The following ACACA variants were observed in gnomAD, a reference collection of about 807,000 sequenced individuals.
ACACA encodes the protein acetyl-CoA carboxylase 1.
Under a neutral mutation model 296.1 loss-of-function variants are expected in ACACA, and 103 were observed. The ratio of observed to expected loss-of-function variants is 0.35; its 90% CI spans 0.30 to 0.41. The LOEUF (loss-of-function observed/expected upper bound fraction) is 0.41. Among genes scored for constraint, ACACA ranks in the 10% least tolerant of loss-of-function variants. The pLI, the probability that ACACA is intolerant of heterozygous loss-of-function variation, is 1.00. For synonymous variants in ACACA, 953 were observed against 1,038.6 expected, an observed-to-expected ratio of 0.92 and a Z score of 1.58; for missense variants, 1,554 against 2,989.7, an observed-to-expected ratio of 0.52 and a Z score of 11.20.
At chr17:37,290,362 T>C (rs1357857310) in intron 3 of ACACA, among the ~76,000 whole-genome samples, 3 of 152,198 alleles carry the variant, frequency 2.0e-5, no homozygotes, top group East Asian at 3.8e-4. Context: ...TCAAACATTT[T>C]TGAATGGTGA....
chr17:37,165,416 T>C (rs1372695294), intron 41 of ACACA, among the ~76,000 whole-genome samples: 3 of 152,212 alleles, frequency 2.0e-5, no homozygotes, highest in African/African-American at 7.2e-5. Flanking sequence ...TATTTAATTT[T>C]ACTGAGCTTC....
intron 1 of ACACA, among the ~76,000 whole-genome samples, chr17:37,404,478 G>A (rs1355947690): frequency 1.3e-5 from 2 of 151,618 alleles, no homozygotes; most frequent in Admixed American, 6.6e-5. Context: ...TCAGTCTCTC[G>A]AGTAGCTGGG....
intron 44 of ACACA, among the ~76,000 whole-genome samples, chr17:37,151,062 AG>A (rs1166636822): frequency 6.6e-6 from 1 of 152,030 alleles, no homozygotes; most frequent in African/African-American, 2.4e-5. Context: ...AAAAAAAAAA[AG>A]AAAGAAAATA....
intron 45 of ACACA, among the ~76,000 whole-genome samples, chr17:37,144,621 G>T (rs2075736196): frequency 6.6e-6 from 1 of 152,124 alleles, no homozygotes; most frequent in Non-Finnish European, 1.5e-5. Flanking sequence ...CTGCATAGCT[G>T]CAGAAAAATA....
chr17:37,143,744 T>C (rs2075698911), intron 45 of ACACA: 6 of 923,268 alleles, frequency 6.5e-6, no homozygotes, highest in Non-Finnish European at 9.0e-6. Flanking sequence ...CTCATCTTCC[T>C]TGTTTTTCTT....
intron 29 of ACACA, among the ~76,000 whole-genome samples, chr17:37,214,296 A>C (rs551527473): frequency 1.6e-3 from 246 of 152,208 alleles, no homozygotes; most frequent in African/African-American, 5.8e-3. Context: ...CATCTCCCCC[A>C]CCACCTCCTT....
rs181984684 is a variant in ACACA at position 37,379,466 on chromosome 17, G to A, written c.38+26796C>T. The A allele has an allele frequency of 6.0e-5, 88 of 1,461,488 alleles. No individual in the cohort carries two copies. In the East Asian group the frequency reaches 1.1e-3, roughly 19 times the overall value. The allele number at this position is 1,461,488 out of a possible 1,614,324, so 90.5% of individuals were successfully genotyped here. On this transcript the variant is annotated intron_variant, in intron 1 of 55. Transcript: ENST00000616317. The stretch of plus-strand genomic sequence containing the variant: ...CAGCCAGAACTCCGTAGCAGGAAAA[G>A]CTACAAGAAAATGAATTATCCACTT...
chr17:37,389,052 C>T, intron 1 of ACACA, among the ~76,000 whole-genome samples: 1 of 152,192 alleles, frequency 6.6e-6, no homozygotes, highest in East Asian at 1.9e-4. Context: ...AGGCACCTGG[C>T]ACACAGGTGC....
chr17:37,395,704 G>T (rs1454656592), intron 1 of ACACA, among the ~76,000 whole-genome samples: 3 of 151,952 alleles, frequency 2.0e-5, no homozygotes, highest in Admixed American at 1.3e-4. Context: ...CACCATGCTC[G>T]GCTAATTTTT....
At chr17:37,188,600 G>A (rs1362393434) in intron 38 of ACACA, 120 bp from the exon 39 acceptor site, 9 of 1,030,292 alleles carry the variant, frequency 8.7e-6, no homozygotes, top group South Asian at 8.3e-5. Flanking sequence ...TTGTGGAGAT[G>A]CACACCTTAC....
chr17:37,278,545 CTT>C (rs2082369048), intron 5 of ACACA, among the ~76,000 whole-genome samples: 1 of 152,176 alleles, frequency 6.6e-6, no homozygotes, highest in Non-Finnish European at 1.5e-5. Flanking sequence ...TTGTAAGAAA[CTT>C]TAGAAAGATA....
At chr17:37,112,196 T>C (rs2074013217) in intron 51 of ACACA, among the ~76,000 whole-genome samples, 1 of 151,998 alleles carries the variant, frequency 6.6e-6, no homozygotes, top group South Asian at 2.1e-4. Flanking sequence ...ATGAGCAGAG[T>C]CAAAGGTCTC....
chr17:37,156,690 C>T lies in ACACA; in HGVS notation c.5350-910G>A, dbSNP rs961444803. On this transcript the variant is annotated intron_variant, in intron 42 of 55. Transcript: ENST00000616317. ...ATTGATTTATATGTATCTATACACA[C>T]AGCCACATACAAAGTAGAGTTACAT... Among the ~76,000 whole-genome samples, 6 of 152,336 alleles carry T rather than the reference C, an allele frequency of 3.9e-5. No individual in the cohort carries two copies. In the East Asian group the frequency reaches 1.2e-3, roughly 29 times the overall value.
intron 39 of ACACA, among the ~76,000 whole-genome samples, chr17:37,186,095 T>C (rs1406140800): frequency 6.6e-6 from 1 of 152,222 alleles, no homozygotes; most frequent in Admixed American, 6.5e-5. Context: ...CTGATAGTAA[T>C]AGGAGTTCCT....
intron 25 of ACACA, among the ~76,000 whole-genome samples, chr17:37,228,998 G>A (rs2079693182): frequency 6.6e-6 from 1 of 151,908 alleles, no homozygotes; most frequent in South Asian, 2.1e-4. Flanking sequence ...AAAAAAATTA[G>A]CCGGGCGTGG....
intron 39 of ACACA, among the ~76,000 whole-genome samples, chr17:37,182,367 A>ATG (rs1567776368): frequency 6.6e-6 from 1 of 151,778 alleles, no homozygotes; most frequent in African/African-American, 2.4e-5. Context: ...ATATATATAT[A>ATG]CATGTATTTA....
intron 1 of ACACA, among the ~76,000 whole-genome samples, chr17:37,390,330 A>ATATATATATATATATATCTATATATC (rs1386032855): frequency 3.1e-4 from 13 of 41,580 alleles, no homozygotes; most frequent in African/African-American, 5.1e-4. Flanking sequence ...ATATATATAT[A>ATATATATATATATATATCTATATATC]TATAAAAGGC....
chr17:37,109,010 G>T (rs946499172), intron 52 of ACACA, among the ~76,000 whole-genome samples: 4 of 152,210 alleles, frequency 2.6e-5, no homozygotes, highest in African/African-American at 9.7e-5. Flanking sequence ...TATCTTAGAT[G>T]ATTCACTTTT....
intron 1 of ACACA, among the ~76,000 whole-genome samples, chr17:37,379,924 G>A (rs1437891763): frequency 3.4e-5 from 5 of 148,312 alleles, no homozygotes; most frequent in African/African-American, 7.5e-5. Context: ...CCCATTACTG[G>A]GTATATACCC....
Sources: allele counts gnomAD v4.1 joint callset (sites outside exome capture counted in the v4.1 genomes callset), GRCh38; gene constraint gnomAD v4.1.1; transcripts MANE v1.5; gene names NCBI Gene and HGNC (gene_info 2026-07-23, HGNC 2026-07-21).